CD38: variants seen among roughly 807,000 people sequenced by gnomAD.
CD38 encodes ADP-ribosyl cyclase/cyclic ADP-ribose hydrolase 1.
In CD38, 31 loss-of-function variants were observed where a neutral mutation model predicts 36.3. That is an observed-to-expected ratio of 0.85 (90% CI 0.64 to 1.15). CD38 has a LOEUF of 1.15. Among genes scored for constraint, CD38 ranks in the 50% most tolerant of loss-of-function variants. The pLI is 0.00. For missense variants in CD38, 380 were observed against 371.9 expected (o/e 1.02, Z -0.18); for synonymous variants, 131 against 135.2 (o/e 0.97, Z 0.22).
At chr4:15,782,388 C>T (rs1188842303) in intron 1 of CD38, among the ~76,000 whole-genome samples, 1 of 152,202 alleles carries the variant, frequency 6.6e-6, no homozygotes, top group Non-Finnish European at 1.5e-5. Context: ...TCATTTTCTT[C>T]TGGTCTTTCT....
chr4:15,827,699 ATAAAG>A lies in CD38; in HGVS notation c.499+2686_499+2690del, dbSNP rs1227127948. ...TTTAATTTGTTCAATTTTTCTTGAA[ATAAAG>A]TAGAGAAAATGAAATAATTTATTTT... On this transcript the variant is annotated intron_variant, in intron 3 of 7. Transcript: ENST00000226279. Among the ~76,000 whole-genome samples, 9 of 152,156 alleles carry A rather than the reference ATAAAG, an allele frequency of 5.9e-5. No homozygotes were observed. In the East Asian group the frequency reaches 1.2e-3, roughly 20 times the overall value.
At position 15,848,722 on chromosome 4, in the gene CD38, A is replaced by G. The variant is rs1294066713; in HGVS notation, c.*120A>G. The G allele has an allele frequency of 1.8e-5, 12 of 680,810 alleles. No homozygotes were observed. The highest frequency in any genetic ancestry group is 5.1e-4 in the Middle Eastern group (2 of 3,952). 42.2% of individuals were successfully genotyped at this position (680,810 alleles called of 1,614,324 possible). A position where few individuals can be genotyped will look rare whatever the true frequency, so the allele number is the denominator to read the frequency against. Reference sequence around the variant, plus strand: ...TGGAGGGTCCTCCACAATAAGGTCAATGCCAGAGACGGAAGCCTTTTTCCC... The same window carrying G: ...TGGAGGGTCCTCCACAATAAGGTCAGTGCCAGAGACGGAAGCCTTTTTCCC... On this transcript the variant is annotated 3_prime_UTR_variant, in exon 8 of 8. Coordinates refer to ENST00000226279, the MANE Select transcript of CD38 (RefSeq NM_001775.4).
rs148970124 is a variant in CD38 at position 15,820,008 on chromosome 4, C to A, written c.363+3368C>A. On this transcript the variant is annotated intron_variant, in intron 2 of 7. Coordinates refer to ENST00000226279, the MANE Select transcript of CD38 (RefSeq NM_001775.4). ...CTAACAGCAGACCTCTCAGCAGAAA[C>A]CTACAAGCCAGAAGAGATTGGGGGC... is the stretch of plus-strand genomic sequence containing the variant. 4.9e-3 allele frequency among the ~76,000 whole-genome samples: 741 copies of A among 152,284 alleles called. 8 individuals are homozygous for A. Among genetic ancestry groups the A allele is most frequent in the African/African-American group, 0.016 (679 of 41,546 alleles).
chr4:15,787,473 G>A (rs983666747), intron 1 of CD38, among the ~76,000 whole-genome samples: 2 of 152,196 alleles, frequency 1.3e-5, no homozygotes, highest in African/African-American at 4.8e-5. Flanking sequence ...AGCCCTCTTG[G>A]GCACAGGGAT....
intron 1 of CD38, among the ~76,000 whole-genome samples, chr4:15,783,527 T>G (rs930640724): frequency 6.6e-6 from 1 of 152,200 alleles, no homozygotes; most frequent in Non-Finnish European, 1.5e-5. Flanking sequence ...GGAAGGACTA[T>G]TTTATTCACT....
intron 3 of CD38, among the ~76,000 whole-genome samples, chr4:15,830,106 C>T (rs189780989): frequency 6.6e-6 from 1 of 152,238 alleles, no homozygotes; most frequent in Admixed American, 6.5e-5. Flanking sequence ...GGGTATATAT[C>T]CAGCAGTGGC....
intron 1 of CD38, among the ~76,000 whole-genome samples, chr4:15,811,697 G>A (rs1392148025): frequency 6.6e-6 from 1 of 152,120 alleles, no homozygotes; most frequent in African/African-American, 2.4e-5. Context: ...TATGGAACTG[G>A]TTTTTGAGAA....
At chr4:15,832,505 C>G (rs1577657665) in intron 3 of CD38, among the ~76,000 whole-genome samples, 1 of 152,300 alleles carries the variant, frequency 6.6e-6, no homozygotes, top group East Asian at 1.9e-4. Context: ...TGTACACACT[C>G]ATGGAGGTAC....
chr4:15,801,767 C>T (rs1223760412), intron 1 of CD38, among the ~76,000 whole-genome samples: 1 of 151,996 alleles, frequency 6.6e-6, no homozygotes, highest in Non-Finnish European at 1.5e-5. Flanking sequence ...AACTCTCAAA[C>T]AATTAGGTTT....
At chr4:15,780,111 T>C (rs1188294369) in intron 1 of CD38, among the ~76,000 whole-genome samples, 1 of 152,224 alleles carries the variant, frequency 6.6e-6, no homozygotes, top group South Asian at 2.1e-4. Flanking sequence ...ATACATACAT[T>C]GTGTGTACAT....
At chr4:15,803,033 A>G (rs1401801037) in intron 1 of CD38, among the ~76,000 whole-genome samples, 2 of 152,254 alleles carry the variant, frequency 1.3e-5, no homozygotes, top group Non-Finnish European at 2.9e-5. Flanking sequence ...CACTAAGAAC[A>G]TAAACTGAAG....
chr4:15,822,134 A>G (rs1560315666), intron 2 of CD38, among the ~76,000 whole-genome samples: 1 of 152,192 alleles, frequency 6.6e-6, no homozygotes, highest in Non-Finnish European at 1.5e-5. Context: ...CTTCGATAAA[A>G]TTCACCATCC....
chr4:15,833,252 G>A (rs1723993656), intron 3 of CD38, among the ~76,000 whole-genome samples: 1 of 152,118 alleles, frequency 6.6e-6, no homozygotes. Flanking sequence ...AAGTCACAGA[G>A]TCTCACCCAA....
At chr4:15,792,362 A>G (rs1167069587) in intron 1 of CD38, among the ~76,000 whole-genome samples, 6 of 126,332 alleles carry the variant, frequency 4.7e-5, no homozygotes, top group Non-Finnish European at 8.0e-5. Flanking sequence ...CCTTCCCTCC[A>G]CTATTGTCCT....
intron 7 of CD38, among the ~76,000 whole-genome samples, chr4:15,847,918 A>T (rs1418197627): frequency 2.6e-5 from 4 of 152,186 alleles, no homozygotes; most frequent in African/African-American, 9.6e-5. Context: ...ACTTGTACAG[A>T]CAGTGGCCCA....
chr4:15,798,465 C>A (rs955848357), intron 1 of CD38, among the ~76,000 whole-genome samples: 1 of 152,202 alleles, frequency 6.6e-6, no homozygotes, highest in Non-Finnish European at 1.5e-5. Context: ...TCAACCCTCT[C>A]TAGGCTTCTC....
rs1041531569 is a variant in CD38, at chr4:15,849,205, C to G, written c.*603C>G. On this transcript the variant is annotated 3_prime_UTR_variant, in exon 8 of 8. Transcript: ENST00000226279. ...CATTTTTTAGATGAGAAAATGGGAG[C>G]TCAGAGAGGTTATATATTTAAGTTG... 1 of 152,124 alleles carries G rather than the reference C, an allele frequency of 6.6e-6. No individual in the cohort carries two copies. The highest frequency in any genetic ancestry group is 2.4e-5 in the African/African-American group (1 of 41,418). 9.4% of individuals were successfully genotyped at this position (152,124 alleles called of 1,614,324 possible).
In CD38 at chr4:15,834,289, C is replaced by T. The variant is rs75935397; in HGVS notation, c.572C>T (p.Thr191Met). The change falls in exon 4 of 8, where the codon ACG becomes ATG. Residue 191 changes from threonine to methionine, a missense_variant. Transcript: ENST00000226279. ...SNNPVSVFWK[T>M]VSRRFAEAAC... is the part of the protein sequence containing the mutation. ...AACCCTGTTTCAGTATTCTGGAAAA[C>T]GGTTTCCCGCAGGGTAAGTACCAAG... The T allele has an allele frequency of 8.1e-5, 130 of 1,609,846 alleles. 2 individuals carry two copies. In the Middle Eastern group the frequency reaches 1.2e-3, roughly 14 times the overall value.
chr4:15,810,798 A>G (rs934744043), intron 1 of CD38, among the ~76,000 whole-genome samples: 7 of 152,246 alleles, frequency 4.6e-5, no homozygotes, highest in Admixed American at 3.9e-4. Flanking sequence ...CTAAACTTGC[A>G]TCAGAATTGC....
Sources: gnomAD v4.1 joint callset for allele counts (sites outside exome capture counted in the v4.1 genomes callset) on GRCh38, gnomAD v4.1.1 for gene constraint, MANE v1.5 for transcripts, NCBI Gene and HGNC (gene_info 2026-07-23, HGNC 2026-07-21) for gene names.